Variants in CDC5L observed in about 807,000 individuals in gnomAD.
The protein encoded by CDC5L is cell division cycle 5 like.
Under a neutral mutation model 104.1 loss-of-function variants are expected in CDC5L, and 18 were observed. That is an observed-to-expected ratio of 0.17 (90% CI 0.12 to 0.26). CDC5L has a LOEUF of 0.26. Ranked by LOEUF, CDC5L falls within the 10% of genes least tolerant of loss-of-function variation. The pLI is 1.00. For missense variants in CDC5L, 673 were observed against 956.9 expected (o/e 0.70, Z 3.91); for synonymous variants, 331 against 322.7 (o/e 1.03, Z -0.28).
intron 11 of CDC5L, among the ~76,000 whole-genome samples, chr6:44,425,144 G>A (rs981998162): frequency 2.6e-5 from 4 of 152,226 alleles, no homozygotes; most frequent in Admixed American, 1.3e-4. Context: ...TCATTTGCAC[G>A]TAACAGCACA....
Position 44,403,874 on chromosome 6 carries a change from G to C in CDC5L, c.605G>C (p.Arg202Thr). 6.2e-7 allele frequency: 1 copy of C among 1,613,196 alleles called. No individual in the cohort carries two copies. Among genetic ancestry groups the C allele is most frequent in the Non-Finnish European group, 8.5e-7 (1 of 1,179,740 alleles). ...GCTGGCATAGAAATTCAGAAGAAAAGAAAAAGGAAGAGAGGAGTTGATTAT... is the reference window on the plus strand; with the variant it reads ...GCTGGCATAGAAATTCAGAAGAAAACAAAAAGGAAGAGAGGAGTTGATTAT... ...RAAGIEIQKKRKRKRGVDYNA... is the reference protein window; with the variant it reads ...RAAGIEIQKKTKRKRGVDYNA... The change falls in exon 6 of 16, where the codon AGA becomes ACA. Residue 202 changes from arginine (R) to threonine (T), a missense_variant. Physicochemically the swap from Arg to Thr is moderately conservative, Grantham distance 71. Around this residue, in one of 4 missense-constraint regions of CDC5L, gnomAD observed 578 missense variants for 737.0 expected, o/e 0.78. Transcript: ENST00000371477.
In CDC5L at chr6:44,426,519, C is replaced by T. The variant is rs753363100; in HGVS notation, c.1688C>T (p.Pro563Leu). ...ETILRPLNVE[P>L]PLTDLQKSEE... The stretch of plus-strand genomic sequence containing the variant: ...ATTCTAAGACCCTTAAATGTAGAAC[C>T]GCCTTTAACAGATTTACAGAAAAGT... Residue 563 changes from proline (P) to leucine (L), a missense_variant, in exon 13 of 16, where the codon CCG (proline) becomes CTG (leucine). Physicochemically the swap from Pro to Leu is moderately conservative, Grantham distance 98 (BLOSUM62 -3). This residue lies in a region of CDC5L where 578 missense variants were observed against 737.0 expected (regional missense o/e 0.78). Transcript: ENST00000371477. 2.7e-5 allele frequency: 42 copies of T among 1,574,316 alleles called. No individual in the cohort carries two copies. Among genetic ancestry groups the T allele is most frequent in the Middle Eastern group, 1.7e-4 (1 of 5,990 alleles).
intron 9 of CDC5L, among the ~76,000 whole-genome samples, chr6:44,421,395 G>C (rs1301631012): frequency 6.6e-6 from 1 of 152,154 alleles, no homozygotes; most frequent in Non-Finnish European, 1.5e-5. Flanking sequence ...AAATATTTGG[G>C]GTTTACTTTG....
At chr6:44,416,650 A>G (rs1346561217) in intron 8 of CDC5L, among the ~76,000 whole-genome samples, 2 of 152,348 alleles carry the variant, frequency 1.3e-5, no homozygotes, top group African/African-American at 2.4e-5. Context: ...CCACGTCAAC[A>G]AAGGATAATT....
At chr6:44,398,845 T>C (rs1480405067) in intron 5 of CDC5L, among the ~76,000 whole-genome samples, 1 of 152,272 alleles carries the variant, frequency 6.6e-6, no homozygotes, top group African/African-American at 2.4e-5. Context: ...TGTGTATATA[T>C]GTACACTAAC....
At chr6:44,430,662 TC>T (rs1349071612) in intron 14 of CDC5L, among the ~76,000 whole-genome samples, 1 of 150,638 alleles carries the variant, frequency 6.6e-6, no homozygotes, top group Non-Finnish European at 1.5e-5. Flanking sequence ...AACCTCTACC[TC>T]CTGGTTTCAA....
chr6:44,415,585 G>A (rs1188267994), intron 8 of CDC5L, among the ~76,000 whole-genome samples: 1 of 152,040 alleles, frequency 6.6e-6, no homozygotes, highest in Non-Finnish European at 1.5e-5. Flanking sequence ...CTTGTGGCAG[G>A]TACAGTCGCT....
chr6:44,397,482 A>C (rs775964941), intron 5 of CDC5L, among the ~76,000 whole-genome samples: 1 of 152,182 alleles, frequency 6.6e-6, no homozygotes, highest in Non-Finnish European at 1.5e-5. Flanking sequence ...CCATTTCAGA[A>C]TATTTATAGA....
At chr6:44,426,933 CA>C in intron 13 of CDC5L, among the ~76,000 whole-genome samples, 1 of 152,290 alleles carries the variant, frequency 6.6e-6, no homozygotes, top group East Asian at 1.9e-4. Flanking sequence ...AGACCTTTAG[CA>C]AATAAACACC....
At chr6:44,440,523 G>C (rs940197652) in intron 14 of CDC5L, among the ~76,000 whole-genome samples, 1 of 152,044 alleles carries the variant, frequency 6.6e-6, no homozygotes, top group African/African-American at 2.4e-5. Flanking sequence ...GATTACAGTT[G>C]TGAGCCACTG....
chr6:44,432,227 T>C (rs1375628653), intron 14 of CDC5L, among the ~76,000 whole-genome samples: 2 of 152,204 alleles, frequency 1.3e-5, no homozygotes, highest in African/African-American at 4.8e-5. Flanking sequence ...ATTTCAATTG[T>C]GGTAATTCTT....
intron 8 of CDC5L, among the ~76,000 whole-genome samples, chr6:44,414,279 T>C (rs1272411824): frequency 6.6e-6 from 1 of 151,932 alleles, no homozygotes; most frequent in African/African-American, 2.4e-5. Flanking sequence ...GATCTCACTA[T>C]GTTGTCCAGG....
In CDC5L at chr6:44,422,775, C is replaced by T. The variant is rs1173111517; in HGVS notation, c.1370C>T (p.Ala457Val). Residue 457 changes from alanine to valine, a missense_variant, in exon 10 of 16, where the codon GCA becomes GTA. Transcript: ENST00000371477. ...KLNINPEDGM[A>V]DYSDPSYVKQ... ...AACATTAATCCCGAGGATGGAATGG[C>T]AGACTATAGTGATCCCTCTTACGTG... 6.2e-7 allele frequency: 1 copy of T among 1,612,362 alleles called. No homozygotes were observed. Among genetic ancestry groups the T allele is most frequent in the Non-Finnish European group, 8.5e-7 (1 of 1,178,866 alleles).
intron 14 of CDC5L, among the ~76,000 whole-genome samples, chr6:44,438,199 T>C (rs951263276): frequency 2.0e-5 from 3 of 152,188 alleles, no homozygotes; most frequent in Admixed American, 6.5e-5. Context: ...CCACCTGCCT[T>C]GGCCTCCCAA....
rs144704796 is a variant in CDC5L, at chr6:44,410,458, A to G, written c.1092+1826A>G. ...CACATATTTTTAAATTCATTTCTCCACTGGTGGACCCTTAGGTTGTTTCCA... is the reference window on the plus strand; with the variant it reads ...CACATATTTTTAAATTCATTTCTCCGCTGGTGGACCCTTAGGTTGTTTCCA... On this transcript the variant is annotated intron_variant, in intron 8 of 15. Transcript: ENST00000371477. Among the ~76,000 whole-genome samples the G allele has an allele frequency of 7.3e-3, 1,107 of 152,280 alleles. 12 individuals are homozygous for G. Among genetic ancestry groups the G allele is most frequent in the African/African-American group, 0.025 (1,042 of 41,550 alleles).
intron 7 of CDC5L, among the ~76,000 whole-genome samples, chr6:44,407,971 TCCTC>T (rs1561971082): frequency 2.0e-5 from 3 of 152,226 alleles, no homozygotes; most frequent in Non-Finnish European, 4.4e-5. Flanking sequence ...TTTTCAGTCT[TCCTC>T]CTCCAATTTT....
At chr6:44,394,692 T>TA (rs11571922) in intron 4 of CDC5L, among the ~76,000 whole-genome samples, 15,159 of 124,836 alleles carry the variant, frequency 0.12, 992 homozygotes, top group Middle Eastern at 0.2. Context: ...CCTGCCTCTA[T>TA]AAAAAAATAC....
intron 5 of CDC5L, among the ~76,000 whole-genome samples, chr6:44,398,007 G>T (rs966273480): frequency 2.0e-5 from 3 of 152,150 alleles, no homozygotes; most frequent in Non-Finnish European, 4.4e-5. Context: ...GTGGCCCCCA[G>T]GTTGGCCTGC....
intron 9 of CDC5L, among the ~76,000 whole-genome samples, chr6:44,420,955 C>G (rs1433331575): frequency 1.3e-5 from 2 of 152,176 alleles, no homozygotes; most frequent in African/African-American, 4.8e-5. Flanking sequence ...AAAAACTTCT[C>G]CTTGCCCCAG....
Sources: gnomAD v4.1 joint callset for allele counts (sites outside exome capture counted in the v4.1 genomes callset) on GRCh38, gnomAD v4.1.1 for gene constraint, gnomAD v4.1.1 regional missense constraint, MANE v1.5 for transcripts, NCBI Gene and HGNC (gene_info 2026-07-23, HGNC 2026-07-21) for gene names.